Variants in EFL1 observed in about 807,000 individuals in gnomAD.
The protein encoded by EFL1 is elongation factor-like GTPase 1.
Under a neutral mutation model 126.7 loss-of-function variants are expected in EFL1, and 76 were observed. The ratio of observed to expected loss-of-function variants is 0.60; its 90% CI spans 0.50 to 0.73. EFL1 has a LOEUF of 0.73. Ranked by LOEUF, EFL1 falls within the 30% of genes least tolerant of loss-of-function variation. The probability of loss-of-function intolerance (pLI) is 0.00; values close to 1 mark genes in which losing one functional copy is unlikely to be tolerated. For missense variants in EFL1, 1,128 were observed against 1,343.2 expected (o/e 0.84, Z 2.50); for synonymous variants, 410 against 448.4 (o/e 0.91, Z 1.08).
At chr15:82,234,616 C>T (rs2074853951) in intron 7 of EFL1, among the ~76,000 whole-genome samples, 1 of 152,102 alleles carries the variant, frequency 6.6e-6, no homozygotes, top group South Asian at 2.1e-4. Flanking sequence ...GAACAAGTTC[C>T]TGTAAAAAGG....
At chr15:82,184,918 T>TA (rs1489554752) in intron 15 of EFL1, among the ~76,000 whole-genome samples, 2 of 152,168 alleles carry the variant, frequency 1.3e-5, no homozygotes, top group Non-Finnish European at 2.9e-5. Flanking sequence ...AAGAACAACT[T>TA]AGAGTAGTGT....
chr15:82,223,599 T>C (rs1333007697), intron 12 of EFL1, among the ~76,000 whole-genome samples: 1 of 152,212 alleles, frequency 6.6e-6, no homozygotes, highest in Non-Finnish European at 1.5e-5. Context: ...TATAAATACA[T>C]GTATTTCAAA....
Position 82,214,844 on chromosome 15 carries a change from G to A in EFL1, c.1623C>T (p.Gly541=). The part of the protein sequence containing the change: ...PLEFLRRVPL[G]FSAPPDGLPQ... Reference sequence around the variant, plus strand: ...GGAGGCCATCTGGTGGAGCTGAGAAGCCTAATGGTACCTGGGCAAAGAAAA... The same window carrying A: ...GGAGGCCATCTGGTGGAGCTGAGAAACCTAATGGTACCTGGGCAAAGAAAA... Residue 541 remains glycine, a synonymous_variant, in exon 15 of 20, where the codon GGC becomes GGT. Transcript: ENST00000268206. 6.3e-7 allele frequency: 1 copy of A among 1,588,938 alleles called. No individual in the cohort carries two copies. The highest frequency in any genetic ancestry group is 8.5e-7 in the Non-Finnish European group (1 of 1,172,636).
chr15:82,180,943 G>A (rs1036194633), intron 15 of EFL1, among the ~76,000 whole-genome samples: 1 of 152,056 alleles, frequency 6.6e-6, no homozygotes, highest in Non-Finnish European at 1.5e-5. Context: ...ATCCAGGCTG[G>A]TCTCGAACTT....
chr15:82,154,555 A>C (rs1004704692), intron 17 of EFL1, among the ~76,000 whole-genome samples: 1 of 152,172 alleles, frequency 6.6e-6, no homozygotes, highest in Admixed American at 6.5e-5. Flanking sequence ...AAATCTACTG[A>C]TCTATGATAA....
intron 7 of EFL1, among the ~76,000 whole-genome samples, chr15:82,238,023 G>T (rs2074892191): frequency 6.6e-6 from 1 of 152,178 alleles, no homozygotes; most frequent in African/African-American, 2.4e-5. Context: ...GAAGGAAGTA[G>T]CTGTGGCAAT....
intron 15 of EFL1, among the ~76,000 whole-genome samples, chr15:82,168,300 G>C (rs2074099559): frequency 6.6e-6 from 1 of 152,090 alleles, no homozygotes; most frequent in African/African-American, 2.4e-5. Context: ...AGCCTGCTTG[G>C]CCAGCATCTC....
At chr15:82,247,930 TA>T (rs1269336601) in intron 4 of EFL1, among the ~76,000 whole-genome samples, 1 of 152,028 alleles carries the variant, frequency 6.6e-6, no homozygotes, top group Non-Finnish European at 1.5e-5. Flanking sequence ...GGAAAGGAGA[TA>T]ACTCAAGCCT....
In EFL1 at chr15:82,217,626, G is replaced by A. The variant is rs965679756; in HGVS notation, c.1611+2026C>T. Reference sequence around the variant, plus strand: ...ATGTGACAATATTCTTTAGAAATACGTACACAGGTTGTAAAACTATAAAGA... The same window carrying A: ...ATGTGACAATATTCTTTAGAAATACATACACAGGTTGTAAAACTATAAAGA... On this transcript the variant is annotated intron_variant, in intron 14 of 19. Transcript: ENST00000268206. Among the ~76,000 whole-genome samples the A allele has an allele frequency of 6.6e-5, 10 of 151,862 alleles. No individual in the cohort carries two copies. In the South Asian group the frequency reaches 1.2e-3, roughly 19 times the overall value.
Position 82,230,862 on chromosome 15 carries a change from T to C in EFL1, c.841A>G (p.Met281Val), listed in dbSNP as rs1157323019. ...TACCACATTACCTGATCACCCTTCA[T>C]GATCTTTTTAGCCTTCATATTTATA... ...YYINMKAKKI[M>V]KGDQAKGKKP... Residue 281 changes from methionine to valine, a missense_variant, in exon 8 of 20, where the codon ATG becomes GTG. Met to Val is a conservative substitution (Grantham distance 21). Around this residue, in one of 6 missense-constraint regions of EFL1, gnomAD observed 316 missense variants for 318.5 expected, o/e 0.99. Coordinates refer to ENST00000268206, the MANE Select transcript of EFL1 (RefSeq NM_024580.6). The C allele has an allele frequency of 6.2e-7, 1 of 1,611,806 alleles. No individual in the cohort carries two copies. Among genetic ancestry groups the C allele is most frequent in the Non-Finnish European group, 8.5e-7 (1 of 1,179,044 alleles).
rs575191193 is a variant in EFL1 at position 82,147,482 on chromosome 15, C to A, written c.2989+3983G>T. Among the ~76,000 whole-genome samples the A allele has an allele frequency of 1.1e-3, 162 of 148,000 alleles. 1 individual carries two copies. Among genetic ancestry groups the A allele is most frequent in the Middle Eastern group, 6.8e-3 (2 of 294 alleles). On this transcript the variant is annotated intron_variant, in intron 18 of 19. Coordinates refer to ENST00000268206, the MANE Select transcript of EFL1 (RefSeq NM_024580.6). ...CCATCTCTACTAAAAATAACAACAA[C>A]AAAAAAAAAATTAGCTGGGCGTGGT...
At chr15:82,132,250 CAG>C (rs975856627) in intron 19 of EFL1, among the ~76,000 whole-genome samples, 4 of 152,146 alleles carry the variant, frequency 2.6e-5, no homozygotes, top group South Asian at 2.1e-4. Context: ...CAGAGAAAAT[CAG>C]AGAGAAAAGC....
chr15:82,154,755 C>A (rs1161432075), intron 17 of EFL1, among the ~76,000 whole-genome samples: 2 of 151,994 alleles, frequency 1.3e-5, no homozygotes, highest in African/African-American at 4.8e-5. Context: ...TCAGTTTGGA[C>A]TGCACTTCTT....
In EFL1 at chr15:82,261,493, C is replaced by T. The variant is rs142340329; in HGVS notation, c.91+195G>A. ...ACATAATATATAGAAGAATGCTACT[C>T]ACTAGGTAACCGTGTTCATTTCAAA... On this transcript the variant is annotated intron_variant, in intron 2 of 19. Coordinates refer to ENST00000268206, the MANE Select transcript of EFL1 (RefSeq NM_024580.6). Among the ~76,000 whole-genome samples the T allele has an allele frequency of 1.6e-3, 241 of 152,294 alleles. 1 individual carries two copies. The highest frequency in any genetic ancestry group is 2.9e-3 in the Non-Finnish European group (196 of 68,024).
chr15:82,134,409 C>G (rs547108308), intron 19 of EFL1, among the ~76,000 whole-genome samples: 1 of 151,592 alleles, frequency 6.6e-6, no homozygotes, highest in Non-Finnish European at 1.5e-5. Flanking sequence ...CAGAATTCAT[C>G]GGCCTAGAGT....
chr15:82,211,583 A>ACACACAC lies in EFL1; in HGVS notation c.1750+3133_1750+3134insGTGTGTG, dbSNP rs1567064816. On this transcript the variant is annotated intron_variant, in intron 15 of 19. Coordinates refer to ENST00000268206, the MANE Select transcript of EFL1 (RefSeq NM_024580.6). ...ACACACACACACACACACACACACT[A>ACACACAC]GACACATACTAGACACACACACACA... Among the ~76,000 whole-genome samples, 259 of 56,240 alleles carry ACACACAC rather than the reference A, an allele frequency of 4.6e-3. 9 individuals carry two copies. The highest frequency in any genetic ancestry group is 0.03 in the African/African-American group (241 of 8,042). The allele number at this position is 56,240 out of a possible 152,430, so 36.9% of individuals were successfully genotyped here.
Position 82,139,123 on chromosome 15 carries a change from G to C in EFL1, c.2990-281C>G, listed in dbSNP as rs532964433. Among the ~76,000 whole-genome samples the C allele has an allele frequency of 1.3e-4, 20 of 152,266 alleles. No individual in the cohort carries two copies. In the South Asian group the frequency reaches 4.1e-3, roughly 32 times the overall value. On this transcript the variant is annotated intron_variant, in intron 18 of 19. Transcript: ENST00000268206. ...CAGCATGAGAAGAAGATTTGTAAAA[G>C]GACCTTTCAATGCAGTTTCACCTAT...
intron 17 of EFL1, among the ~76,000 whole-genome samples, chr15:82,152,912 G>C (rs184216643): frequency 6.6e-6 from 1 of 152,144 alleles, no homozygotes; most frequent in Non-Finnish European, 1.5e-5. Context: ...AGCAAGGCTA[G>C]CATGATCCAT....
intron 15 of EFL1, among the ~76,000 whole-genome samples, chr15:82,214,127 C>A (rs1042443445): frequency 2.6e-5 from 4 of 152,196 alleles, no homozygotes; most frequent in African/African-American, 9.6e-5. Context: ...TTCTACAATA[C>A]ACTCTGGATG....
Sources: allele counts gnomAD v4.1 joint callset (sites outside exome capture counted in the v4.1 genomes callset), GRCh38; gene constraint gnomAD v4.1.1; regional missense constraint gnomAD v4.1.1; transcripts MANE v1.5; gene names NCBI Gene and HGNC (gene_info 2026-07-23, HGNC 2026-07-21).